The following CDKAL1 variants were observed in gnomAD, a reference collection of about 807,000 sequenced individuals.
CDKAL1 encodes threonylcarbamoyladenosine tRNA methylthiotransferase.
A neutral mutation model predicts 68.2 loss-of-function variants in CDKAL1; 32 were observed. The ratio of observed to expected loss-of-function variants is 0.47; its 90% confidence interval spans 0.35 to 0.63. The LOEUF (loss-of-function observed/expected upper bound fraction) is 0.63, where lower values mean the gene tolerates loss of function less well. CDKAL1 is among the 30% of genes least tolerant of loss of function. The probability of loss-of-function intolerance (pLI) is 0.00; values close to 1 mark genes in which losing one functional copy is unlikely to be tolerated. For synonymous variants in CDKAL1, 234 were observed against 244.3 expected (o/e 0.96, Z 0.39); for missense variants, 606 against 696.7 (o/e 0.87, Z 1.47).
At chr6:20,765,816 G>A (rs147722609) in intron 7 of CDKAL1, among the ~76,000 whole-genome samples, 1 of 152,256 alleles carries the variant, frequency 6.6e-6, no homozygotes, top group East Asian at 1.9e-4. Flanking sequence ...TGTCTTGTCT[G>A]TATTTCTGTA....
chr6:21,214,213 G>A (rs1256866551), intron 15 of CDKAL1, among the ~76,000 whole-genome samples: 1 of 152,008 alleles, frequency 6.6e-6, no homozygotes, highest in Admixed American at 6.5e-5. Context: ...GTTTCTGCTT[G>A]GGGTGATAAC....
intron 9 of CDKAL1, among the ~76,000 whole-genome samples, chr6:20,868,742 A>G (rs1381281157): frequency 1.3e-5 from 2 of 152,134 alleles, no homozygotes; most frequent in African/African-American, 4.8e-5. Flanking sequence ...CTGAATTGGC[A>G]CCCTGCAGAG....
intron 9 of CDKAL1, among the ~76,000 whole-genome samples, chr6:20,903,799 C>G (rs753993002): frequency 6.6e-6 from 1 of 152,172 alleles, no homozygotes; most frequent in Non-Finnish European, 1.5e-5. Context: ...TGAAAAGTGA[C>G]TATGCAGAAG....
intron 5 of CDKAL1, among the ~76,000 whole-genome samples, chr6:20,713,786 A>G (rs906581830): frequency 6.6e-6 from 1 of 152,186 alleles, no homozygotes; most frequent in African/African-American, 2.4e-5. Flanking sequence ...TTCTTTATTT[A>G]TAGAGCTTTC....
rs1770712306 is a variant in CDKAL1, at chr6:20,688,153, A to G, written c.371+38776A>G. ...TCACCCCCCACCTCTGGCTTCTTTCAGGTTTTTTTCTTTATCTTTGACTTT... is the reference window on the plus strand; with the variant it reads ...TCACCCCCCACCTCTGGCTTCTTTCGGGTTTTTTTCTTTATCTTTGACTTT... On this transcript the variant is annotated intron_variant, in intron 5 of 15. Coordinates refer to ENST00000274695, the MANE Select transcript of CDKAL1 (RefSeq NM_017774.3). Among the ~76,000 whole-genome samples, 3 of 146,974 alleles carry G rather than the reference A, an allele frequency of 2.0e-5. No homozygotes were observed. In the South Asian group the frequency reaches 6.4e-4, roughly 31 times the overall value.
intron 11 of CDKAL1, among the ~76,000 whole-genome samples, chr6:21,042,438 TG>T (rs1561983680): frequency 1.3e-5 from 2 of 152,158 alleles, no homozygotes; most frequent in Admixed American, 6.5e-5. Flanking sequence ...ACCTCTCTCG[TG>T]GCACTGGGTA....
intron 15 of CDKAL1, among the ~76,000 whole-genome samples, chr6:21,224,934 T>C (rs1779680357): frequency 6.6e-6 from 1 of 152,194 alleles, no homozygotes; most frequent in Non-Finnish European, 1.5e-5. Flanking sequence ...AAATGGCAGT[T>C]CATATGGAAG....
intron 7 of CDKAL1, among the ~76,000 whole-genome samples, chr6:20,762,724 T>C (rs1561755775): frequency 6.6e-6 from 1 of 152,228 alleles, no homozygotes; most frequent in Non-Finnish European, 1.5e-5. Flanking sequence ...TTCATGTTAA[T>C]GCTTACCTCT....
chr6:21,153,518 A>G (rs1206120551), intron 13 of CDKAL1, among the ~76,000 whole-genome samples: 2 of 152,186 alleles, frequency 1.3e-5, no homozygotes, highest in Non-Finnish European at 2.9e-5. Flanking sequence ...GAAGACGGGT[A>G]TCATTCTCTT....
intron 13 of CDKAL1, among the ~76,000 whole-genome samples, chr6:21,141,630 A>G (rs1582287072): frequency 6.6e-6 from 1 of 152,248 alleles, no homozygotes; most frequent in African/African-American, 2.4e-5. Flanking sequence ...CTTTATGCCA[A>G]GGAAGAGTCT....
chr6:20,585,531 C>A (rs1418378125), intron 4 of CDKAL1, among the ~76,000 whole-genome samples: 1 of 152,204 alleles, frequency 6.6e-6, no homozygotes, highest in Non-Finnish European at 1.5e-5. Context: ...AAAGTGCTCT[C>A]ATCAAGTTCA....
At chr6:20,787,463 A>G (rs1775723908) in intron 8 of CDKAL1, among the ~76,000 whole-genome samples, 1 of 152,350 alleles carries the variant, frequency 6.6e-6, no homozygotes, top group East Asian at 1.9e-4. Flanking sequence ...TTATAATGAA[A>G]GCAAGTCCTA....
At chr6:21,166,462 G>A (rs968431946) in intron 13 of CDKAL1, among the ~76,000 whole-genome samples, 2 of 152,144 alleles carry the variant, frequency 1.3e-5, no homozygotes, top group African/African-American at 4.8e-5. Context: ...AACATGCCAG[G>A]CACGAAATGG....
chr6:20,922,699 C>T (rs918912528), intron 9 of CDKAL1, among the ~76,000 whole-genome samples: 13 of 152,182 alleles, frequency 8.5e-5, no homozygotes, highest in African/African-American at 2.6e-4. Context: ...GACTTAGAAC[C>T]GGGATGAGAA....
At chr6:20,919,036 G>T (rs935355973) in intron 9 of CDKAL1, among the ~76,000 whole-genome samples, 2 of 152,170 alleles carry the variant, frequency 1.3e-5, no homozygotes, top group Non-Finnish European at 2.9e-5. Flanking sequence ...GTGGTTTTCC[G>T]TGAGAACTCA....
intron 11 of CDKAL1, among the ~76,000 whole-genome samples, chr6:21,026,820 T>C (rs1402135286): frequency 1.3e-5 from 2 of 152,200 alleles, no homozygotes; most frequent in Non-Finnish European, 2.9e-5. Flanking sequence ...TGTCTTTATC[T>C]GTTATTGGAC....
chr6:20,945,536 C>A (rs2150706425), intron 9 of CDKAL1, among the ~76,000 whole-genome samples: 1 of 152,254 alleles, frequency 6.6e-6, no homozygotes, highest in Non-Finnish European at 1.5e-5. Context: ...CTCATAGAGG[C>A]CCTATATCAC....
At chr6:20,556,808 C>T (rs556515989) in intron 4 of CDKAL1, among the ~76,000 whole-genome samples, 51 of 152,032 alleles carry the variant, frequency 3.4e-4, no homozygotes, top group African/African-American at 1.1e-3. Flanking sequence ...GAGGCTGAGG[C>T]GGGCAGATCA....
rs371165972 is a variant in CDKAL1 at position 21,203,215 on chromosome 6, A to ATTTTTTT, written c.1548+1972_1548+1978dup. ...TAGGCATGCACCACCATCCTGGCTA[A>ATTTTTTT]TTTTTTTTTTTTTTTTTTTTTTTTT... On this transcript the variant is annotated intron_variant, in intron 15 of 15. Transcript: ENST00000274695. 8.7e-4 allele frequency among the ~76,000 whole-genome samples: 41 copies of ATTTTTTT among 47,124 alleles called. 7 individuals carry two copies. The highest frequency in any genetic ancestry group is 1.2e-3 in the African/African-American group (14 of 11,370). The allele number at this position is 47,124 out of a possible 152,430, so 30.9% of individuals were successfully genotyped here.
Sources: allele counts gnomAD v4.1 joint callset (sites outside exome capture counted in the v4.1 genomes callset), GRCh38; gene constraint gnomAD v4.1.1; transcripts MANE v1.5; gene names NCBI Gene and HGNC (gene_info 2026-07-23, HGNC 2026-07-21).